The following MAPKAP1 variants were observed in gnomAD, a reference collection of about 807,000 sequenced individuals.
MAPKAP1 encodes MAPK associated protein 1, also known as target of rapamycin complex 2 subunit MAPKAP1.
A neutral mutation model predicts 65.7 loss-of-function variants in MAPKAP1; 20 were observed. The ratio of observed to expected loss-of-function variants is 0.30; its 90% CI spans 0.21 to 0.44. The LOEUF (loss-of-function observed/expected upper bound fraction) is 0.44. MAPKAP1 is among the 20% of genes least tolerant of loss of function. MAPKAP1 has a pLI of 1.00. For missense variants in MAPKAP1, 423 were observed against 648.0 expected (o/e 0.65, Z 3.77); for synonymous variants, 222 against 244.3 (o/e 0.91, Z 0.85).
chr9:125,473,982 A>G (rs1190946519), intron 9 of MAPKAP1, among the ~76,000 whole-genome samples: 2 of 152,212 alleles, frequency 1.3e-5, no homozygotes, highest in African/African-American at 2.4e-5. Context: ...ATAAGGCATG[A>G]CAAGGGCTTG....
Position 125,648,477 on chromosome 9 carries a change from G to A in MAPKAP1, c.498+9174C>T, listed in dbSNP as rs181990286. Among the ~76,000 whole-genome samples the A allele has an allele frequency of 3.9e-4, 60 of 152,202 alleles. 1 individual carries two copies. Among genetic ancestry groups the A allele is most frequent in the Admixed American group, 3.7e-3 (56 of 15,292 alleles). On this transcript the variant is annotated intron_variant, in intron 4 of 11. Transcript: ENST00000265960. Reference sequence around the variant, plus strand: ...AAGCCACATTCCTGATTCTAAACACGCAGAAATCAAGGCTCATAGATGAGA... The same window carrying A: ...AAGCCACATTCCTGATTCTAAACACACAGAAATCAAGGCTCATAGATGAGA...
chr9:125,470,880 A>C (rs978955210), intron 9 of MAPKAP1, among the ~76,000 whole-genome samples: 3 of 152,018 alleles, frequency 2.0e-5, no homozygotes, highest in African/African-American at 7.3e-5. Context: ...TTCCAGAGCT[A>C]CTTTATCTTC....
intron 6 of MAPKAP1, among the ~76,000 whole-genome samples, chr9:125,557,792 T>C (rs1236235169): frequency 6.6e-6 from 1 of 152,194 alleles, no homozygotes; most frequent in East Asian, 1.9e-4. Flanking sequence ...AGGGTAGTGC[T>C]GTCTCTGCCT....
At chr9:125,461,309 C>T (rs1414517877) in intron 10 of MAPKAP1, among the ~76,000 whole-genome samples, 2 of 152,220 alleles carry the variant, frequency 1.3e-5, no homozygotes, top group East Asian at 1.9e-4. Context: ...ACCCATCTCC[C>T]CGGCACTCCC....
At chr9:125,555,080 A>G (rs114029153) in intron 6 of MAPKAP1, among the ~76,000 whole-genome samples, 1,707 of 152,126 alleles carry the variant, frequency 0.011, 41 homozygotes, top group African/African-American at 0.038. Context: ...TATTTTATTA[A>G]CGTTATAATT....
intron 4 of MAPKAP1, among the ~76,000 whole-genome samples, chr9:125,600,430 A>G (rs1349586063): frequency 6.6e-6 from 1 of 152,202 alleles, no homozygotes; most frequent in Non-Finnish European, 1.5e-5. Flanking sequence ...TCTCTCTTAA[A>G]GTCAGTTTCC....
intron 4 of MAPKAP1, among the ~76,000 whole-genome samples, chr9:125,624,728 T>G (rs867577083): frequency 1.3e-5 from 1 of 78,064 alleles, no homozygotes; most frequent in African/African-American, 4.6e-5. Context: ...CACCACCCCG[T>G]CTGGGAGGTG....
chr9:125,603,146 C>T lies in MAPKAP1; in HGVS notation c.499-17419G>A, dbSNP rs557085862. ...CTAGTCTCAAACTCCTGGGCTCAAA[C>T]GAGCCTCCCACTTTGGCACTCCAAC... On this transcript the variant is annotated intron_variant, in intron 4 of 11. Transcript: ENST00000265960. Among the ~76,000 whole-genome samples the T allele has an allele frequency of 7.9e-5, 12 of 152,084 alleles. No homozygotes were observed. In the South Asian group the frequency reaches 2.1e-3, roughly 26 times the overall value.
At chr9:125,619,821 A>G (rs930255586) in intron 4 of MAPKAP1, among the ~76,000 whole-genome samples, 1 of 152,140 alleles carries the variant, frequency 6.6e-6, no homozygotes, top group Non-Finnish European at 1.5e-5. Context: ...GTGCATAGTC[A>G]AACAAAAAAA....
chr9:125,476,851 C>T (rs1854129354), intron 9 of MAPKAP1, among the ~76,000 whole-genome samples: 1 of 152,138 alleles, frequency 6.6e-6, no homozygotes, highest in Non-Finnish European at 1.5e-5. Context: ...ATGCTCAGGC[C>T]CAGGGCAGAC....
At chr9:125,619,639 C>G (rs897425246) in intron 4 of MAPKAP1, among the ~76,000 whole-genome samples, 1 of 151,782 alleles carries the variant, frequency 6.6e-6, no homozygotes, top group Non-Finnish European at 1.5e-5. Context: ...TTCATATATA[C>G]GAACATAGCA....
intron 3 of MAPKAP1, among the ~76,000 whole-genome samples, chr9:125,667,604 G>T (rs1834378031): frequency 6.6e-6 from 1 of 152,146 alleles, no homozygotes; most frequent in South Asian, 2.1e-4. Context: ...GTAGAAATGG[G>T]GTTTCACTAT....
At position 125,554,573 on chromosome 9, in the gene MAPKAP1, A is replaced by C. The variant is rs557646983; in HGVS notation, c.848+5060T>G. Among the ~76,000 whole-genome samples the C allele has an allele frequency of 1.8e-4, 28 of 152,198 alleles. 1 individual carries two copies. Among genetic ancestry groups the C allele is most frequent in the Non-Finnish European group, 3.8e-4 (26 of 67,986 alleles). On this transcript the variant is annotated intron_variant, in intron 6 of 11. Coordinates refer to ENST00000265960, the MANE Select transcript of MAPKAP1 (RefSeq NM_001006617.3). The stretch of plus-strand genomic sequence containing the variant: ...TAACACTTTGGGAGGCCGAGGCAGG[A>C]GGACTGCTTGAGCTCAGGAGTTCAG...
chr9:125,568,471 T>G (rs1185590106), intron 5 of MAPKAP1, among the ~76,000 whole-genome samples: 2 of 152,226 alleles, frequency 1.3e-5, no homozygotes, highest in African/African-American at 4.8e-5. Flanking sequence ...GTCTTTTACC[T>G]GACCTTCCTA....
At chr9:125,607,273 A>C (rs1832465454) in intron 4 of MAPKAP1, among the ~76,000 whole-genome samples, 1 of 152,232 alleles carries the variant, frequency 6.6e-6, no homozygotes, top group Admixed American at 6.5e-5. Flanking sequence ...AATAACTGAG[A>C]ATTCTCAAAA....
intron 7 of MAPKAP1, among the ~76,000 whole-genome samples, chr9:125,531,194 C>T (rs1265063192): frequency 3.3e-5 from 5 of 152,174 alleles, no homozygotes; most frequent in Non-Finnish European, 2.9e-5. Context: ...TCCACTGAGC[C>T]GTGGGCCCCG....
intron 7 of MAPKAP1, among the ~76,000 whole-genome samples, chr9:125,527,738 C>T (rs1342683134): frequency 6.6e-6 from 1 of 152,170 alleles, no homozygotes; most frequent in African/African-American, 2.4e-5. Context: ...ACGTGACTAT[C>T]AATGTTTAAA....
chr9:125,526,712 T>C (rs1477949984), intron 7 of MAPKAP1, among the ~76,000 whole-genome samples: 1 of 152,120 alleles, frequency 6.6e-6, no homozygotes, highest in African/African-American at 2.4e-5. Context: ...GAAAGTAAGA[T>C]GTTTTCTTTT....
rs577164103 is a variant in MAPKAP1 at position 125,486,717 on chromosome 9, G to A, written c.1067-2134C>T. ...TTTCCTTCAGTAAGGACATGACCTC[G>A]CCCTTCACTGAGTGCCTCTGGCAGA... On this transcript the variant is annotated intron_variant, in intron 8 of 11. Coordinates refer to ENST00000265960, the MANE Select transcript of MAPKAP1 (RefSeq NM_001006617.3). 3.9e-5 allele frequency among the ~76,000 whole-genome samples: 6 copies of A among 152,126 alleles called. No homozygotes were observed. The South Asian group carries it at 8.3e-4, about 21-fold the overall frequency.
Sources: gnomAD v4.1 joint callset for allele counts (sites outside exome capture counted in the v4.1 genomes callset) on GRCh38, gnomAD v4.1.1 for gene constraint, MANE v1.5 for transcripts, NCBI Gene and HGNC (gene_info 2026-07-23, HGNC 2026-07-21) for gene names.